Variants in GLOD4 observed in about 807,000 individuals in gnomAD.
The protein encoded by GLOD4 is glyoxalase domain-containing protein 4.
In GLOD4, 44 loss-of-function variants were observed where a neutral mutation model predicts 39.1. That is an observed-to-expected ratio of 1.13 (90% CI 0.88 to 1.45). The LOEUF (loss-of-function observed/expected upper bound fraction) is 1.45, where lower values mean the gene tolerates loss of function less well. GLOD4 is among the 40% of genes most tolerant of loss of function. The pLI is 0.00. For missense variants in GLOD4, 405 were observed against 366.4 expected (o/e 1.11, Z -0.86); for synonymous variants, 145 against 135.0 (o/e 1.07, Z -0.52).
intron 8 of GLOD4, among the ~76,000 whole-genome samples, chr17:768,199 A>T (rs1404119215): frequency 6.9e-6 from 1 of 145,686 alleles, no homozygotes; most frequent in African/African-American, 2.6e-5. Flanking sequence ...AGATTTTTAG[A>T]AGAAGAAATC....
upstream of GLOD4, chr17:783,558 A>C (rs531306124): frequency 1.9e-5 from 7 of 371,550 alleles, no homozygotes; most frequent in Admixed American, 2.4e-4. Context: ...GCTGACGTCG[A>C]ACTTGTGACC....
At position 770,523 on chromosome 17, in the gene GLOD4, G is replaced by A. The variant is rs779142890; in HGVS notation, c.544-16C>T. On this transcript the variant is annotated splice_polypyrimidine_tract_variant and intron_variant, in intron 5 of 8. Transcript: ENST00000301329. ...CCAGCTTACACTGAAATAGGAAAGG[G>A]GGTTATTTTTTGGAACAGGTTATAC... 7.6e-7 allele frequency: 1 copy of A among 1,316,620 alleles called. No homozygotes were observed. Among genetic ancestry groups the A allele is most frequent in the Non-Finnish European group, 1.1e-6 (1 of 908,072 alleles). The allele number at this position is 1,316,620 out of a possible 1,614,324, so 81.6% of individuals were successfully genotyped here. A position where few individuals can be genotyped will look rare whatever the true frequency, so the allele number is the denominator to read the frequency against.
chr17:771,313 A>G lies in GLOD4; in HGVS notation c.543+12T>C, dbSNP rs755930768. ...TCAAAGTAACAGGTTATTCTTCTCC[A>G]AGATTGCTCACCTGGTTATCAGCAT... On this transcript the variant is annotated intron_variant, in intron 5 of 8. Transcript: ENST00000301329. 2 of 1,567,616 alleles carry G rather than the reference A, an allele frequency of 1.3e-6. No individual in the cohort carries two copies. Among genetic ancestry groups the G allele is most frequent in the Admixed American group, 3.9e-5 (2 of 51,752 alleles).
intron 2 of GLOD4, chr17:778,444 T>A (rs1288629975): frequency 6.3e-5 from 37 of 586,384 alleles, no homozygotes; most frequent in South Asian, 2.0e-4. Context: ...TGTATGAGAG[T>A]GCAGAGAAAT....
intron 8 of GLOD4, among the ~76,000 whole-genome samples, chr17:767,516 C>A (rs532534057): frequency 1.3e-4 from 19 of 146,092 alleles, no homozygotes; most frequent in Middle Eastern, 3.4e-3. Context: ...AGAAACAGCG[C>A]GCACTCAGAT....
intron 1 of GLOD4, among the ~76,000 whole-genome samples, chr17:781,465 G>C (rs1909936286): frequency 6.6e-6 from 1 of 152,190 alleles, no homozygotes; most frequent in Non-Finnish European, 1.5e-5. Flanking sequence ...CCTGAAAATA[G>C]CAGATATTTT....
intron 2 of GLOD4, among the ~76,000 whole-genome samples, chr17:777,965 G>C (rs1909238643): frequency 6.6e-6 from 1 of 152,176 alleles, no homozygotes; most frequent in Admixed American, 6.5e-5. Flanking sequence ...AAGGGATGGA[G>C]ACTGGGCTCT....
rs1192473653 is a variant in GLOD4, at chr17:775,790, T to C, written c.391A>G (p.Ser131Gly). 3.7e-6 allele frequency: 6 copies of C among 1,613,900 alleles called. No homozygotes were observed. The highest frequency in any genetic ancestry group is 5.1e-6 in the Non-Finnish European group (6 of 1,179,894). ...GTATAATTACCTGACTGAGGCAGAC[T>C]GCGATTCTGCAAATAGAACTTATAT... is the stretch of plus-strand genomic sequence containing the variant. ...GGYKFYLQNR[S>G]LPQSDPVLKV... The change falls in exon 4 of 9, where the codon AGT (serine) becomes GGT (glycine). Residue 131 changes from serine (S) to glycine (G), a missense_variant. Ser to Gly is a moderately conservative substitution (Grantham distance 56). Transcript: ENST00000301329.
At chr17:782,055 C>A in intron 1 of GLOD4, 111 bp downstream of exon 1, 1 of 729,276 alleles carries the variant, frequency 1.4e-6, no homozygotes, top group South Asian at 1.8e-5. Context: ...TAAGGTCGGA[C>A]ACCCTCCGGC....
At chr17:769,980 C>T in intron 7 of GLOD4, 25 bp from the exon 8 acceptor site, 1 of 1,574,610 alleles carries the variant, frequency 6.4e-7, no homozygotes, top group Non-Finnish European at 8.7e-7. Flanking sequence ...AGAAAAGACA[C>T]CTGCCAAAGA....
At chr17:775,244 C>T (rs1364729418) in intron 4 of GLOD4, among the ~76,000 whole-genome samples, 1 of 151,458 alleles carries the variant, frequency 6.6e-6, no homozygotes, top group Non-Finnish European at 1.5e-5. Context: ...ACACTCCAGC[C>T]GGACTGACAG....
At chr17:774,383 G>A (rs1246958543) in intron 4 of GLOD4, among the ~76,000 whole-genome samples, 3 of 152,252 alleles carry the variant, frequency 2.0e-5, no homozygotes, top group Non-Finnish European at 4.4e-5. Context: ...CACCAAGTAA[G>A]GGAGTCGGCA....
At chr17:782,792 C>T, upstream of GLOD4, 12 of 1,293,952 alleles carry the variant, frequency 9.3e-6, no homozygotes, top group South Asian at 1.5e-5. Context: ...CCAGTACAGC[C>T]CGCTGGTTTT....
chr17:782,738 G>A (rs1329416589), upstream of GLOD4: 8 of 1,543,798 alleles, frequency 5.2e-6, no homozygotes, highest in African/African-American at 1.4e-5. Flanking sequence ...TTCCCTTCCC[G>A]TCGCACAGCG....
Position 776,927 on chromosome 17 carries a change from C to T in GLOD4, c.202G>A (p.Val68Ile). 1 of 1,609,960 alleles carries T rather than the reference C, an allele frequency of 6.2e-7. No homozygotes were observed. The highest frequency in any genetic ancestry group is 8.5e-7 in the Non-Finnish European group (1 of 1,176,178). ...CCATAATTGTAAGTCAGTTCTGCGA[C>T]AAAATGATCATCCTCAGGCCCAAAT... is the stretch of plus-strand genomic sequence containing the variant. ...VGFGPEDDHF[V>I]AELTYNYGVG... The change falls in exon 3 of 9, where the codon GTC becomes ATC. Residue 68 changes from valine to isoleucine, a missense_variant. Coordinates refer to ENST00000301329, the MANE Select transcript of GLOD4 (RefSeq NM_016080.4).
chr17:779,319 TAAAAAAAAAAAAA>T (rs34487169), intron 1 of GLOD4, among the ~76,000 whole-genome samples: 6 of 43,358 alleles, frequency 1.4e-4, no homozygotes, highest in African/African-American at 2.0e-4. Flanking sequence ...CATCTCAAAT[TAAAAAAAAAAAAA>T]AAAAAAAAAA....
At chr17:768,625 G>A (rs532780087) in intron 8 of GLOD4, among the ~76,000 whole-genome samples, 14 of 127,246 alleles carry the variant, frequency 1.1e-4, no homozygotes, top group East Asian at 8.4e-4. Context: ...GAGAAACAGC[G>A]CGCACTCAGA....
intron 8 of GLOD4, among the ~76,000 whole-genome samples, chr17:769,060 G>GC (rs1907388051): frequency 6.6e-6 from 1 of 152,256 alleles, no homozygotes; most frequent in Non-Finnish European, 1.5e-5. Context: ...TTGCACGCTG[G>GC]CGAGAATAAC....
In GLOD4 at chr17:775,855, T is replaced by C; in HGVS notation, c.326A>G (p.Glu109Gly). The C allele has an allele frequency of 6.2e-7, 1 of 1,613,524 alleles. No homozygotes were observed. The highest frequency in any genetic ancestry group is 8.5e-7 in the Non-Finnish European group (1 of 1,179,418). ...GGTTTCAAAAACACCTTCTGCAACT[T>C]CCGTCAGTGGCCACTCCAGCTTCCT... ...NARKLEWPLT[E>G]VAEGVFETEA... is the part of the protein sequence containing the mutation. The change falls in exon 4 of 9, where the codon GAA becomes GGA. Residue 109 changes from glutamate to glycine, a missense_variant. Physicochemically the swap from Glu to Gly is moderately conservative, Grantham distance 98 (BLOSUM62 -2). Coordinates refer to ENST00000301329, the MANE Select transcript of GLOD4 (RefSeq NM_016080.4).
Sources: allele counts gnomAD v4.1 joint callset (sites outside exome capture counted in the v4.1 genomes callset), GRCh38; gene constraint gnomAD v4.1.1; transcripts MANE v1.5; gene names NCBI Gene and HGNC (gene_info 2026-07-23, HGNC 2026-07-21).